Variants in COMMD1 observed in about 807,000 individuals in gnomAD.
COMMD1 encodes COMM domain-containing protein 1.
A neutral mutation model predicts 17.2 loss-of-function variants in COMMD1; 10 were observed. The ratio of observed to expected loss-of-function variants is 0.58; its 90% CI spans 0.36 to 0.99. The LOEUF (loss-of-function observed/expected upper bound fraction) is 0.99, where lower values mean the gene tolerates loss of function less well. Among genes scored for constraint, COMMD1 ranks in the 50% least tolerant of loss-of-function variants. COMMD1 has a pLI of 0.01. For missense variants in COMMD1, 270 were observed against 231.8 expected (o/e 1.17, Z -1.07); for synonymous variants, 97 against 91.6 (o/e 1.06, Z -0.34).
chr2:62,083,594 T>A (rs1002391694), intron 2 of COMMD1, among the ~76,000 whole-genome samples: 2 of 152,242 alleles, frequency 1.3e-5, no homozygotes, highest in Admixed American at 6.5e-5. Flanking sequence ...ATGCCTTACT[T>A]CCTACTTATT....
At chr2:62,101,959 A>G (rs1034862784) in intron 2 of COMMD1, among the ~76,000 whole-genome samples, 1 of 152,022 alleles carries the variant, frequency 6.6e-6, no homozygotes, top group African/African-American at 2.4e-5. Flanking sequence ...CCTGAAGGTC[A>G]GCCTATAGTA....
chr2:62,098,737 C>T (rs1004122744), intron 2 of COMMD1, among the ~76,000 whole-genome samples: 7 of 152,186 alleles, frequency 4.6e-5, no homozygotes, highest in African/African-American at 9.7e-5. Flanking sequence ...TTCACAGAGG[C>T]GATTGCAGAG....
At chr2:62,010,724 G>T (rs1303922216) in intron 2 of COMMD1, among the ~76,000 whole-genome samples, 1 of 151,968 alleles carries the variant, frequency 6.6e-6, no homozygotes, top group Non-Finnish European at 1.5e-5. Flanking sequence ...AAATCTTGCT[G>T]GGTCTGTTTT....
At chr2:61,890,206 GTGT>G (rs1242873664) in intron 1 of COMMD1, among the ~76,000 whole-genome samples, 1 of 152,052 alleles carries the variant, frequency 6.6e-6, no homozygotes, top group Admixed American at 6.6e-5. Context: ...GGTGGTGGTG[GTGT>G]TGTTTGTTTG....
rs922405560 is a variant in COMMD1, at chr2:62,018,022, C to A, written c.462+17040C>A. Reference sequence around the variant, plus strand: ...CATGATTGTACCTCTGCACTCCAGCCTGGGCGTCAGAGCATGACCTATCTC... The same window carrying A: ...CATGATTGTACCTCTGCACTCCAGCATGGGCGTCAGAGCATGACCTATCTC... On this transcript the variant is annotated intron_variant, in intron 2 of 2. Coordinates refer to ENST00000311832, the MANE Select transcript of COMMD1 (RefSeq NM_152516.4). 1.7e-4 allele frequency among the ~76,000 whole-genome samples: 26 copies of A among 151,852 alleles called. No individual in the cohort carries two copies. In the East Asian group the frequency reaches 5.0e-3, roughly 29 times the overall value.
Position 62,000,975 on chromosome 2 carries a change from A to C in COMMD1, c.455A>C (p.Tyr152Ser). Reference protein sequence around the residue: ...VAIIELELGKYGQESEFLCLE... With the variant: ...VAIIELELGKSGQESEFLCLE... ...ATTATAGAGCTGGAATTAGGCAAAT[A>C]TGGACAGGTGAGTTAAACTTAAGTC... is the stretch of plus-strand genomic sequence containing the variant. The change falls in exon 2 of 3, where the codon TAT becomes TCT. Residue 152 changes from tyrosine to serine, a missense_variant. Tyr to Ser is a moderately radical substitution (Grantham distance 144, BLOSUM62 -2). Coordinates refer to ENST00000311832, the MANE Select transcript of COMMD1 (RefSeq NM_152516.4). 2 of 1,612,878 alleles carry C rather than the reference A, an allele frequency of 1.2e-6. No homozygotes were observed. Among genetic ancestry groups the C allele is most frequent in the Non-Finnish European group, 8.5e-7 (1 of 1,180,008 alleles).
intron 2 of COMMD1, among the ~76,000 whole-genome samples, chr2:62,112,538 G>A (rs1042551409): frequency 6.6e-6 from 1 of 152,200 alleles, no homozygotes; most frequent in African/African-American, 2.4e-5. Flanking sequence ...AAGTGTCAAG[G>A]GACGGGGTAT....
At chr2:62,065,141 C>T (rs1670993578) in intron 2 of COMMD1, among the ~76,000 whole-genome samples, 1 of 152,098 alleles carries the variant, frequency 6.6e-6, no homozygotes, top group South Asian at 2.1e-4. Flanking sequence ...TGTGCCACTG[C>T]ACTCCAGCCT....
intron 2 of COMMD1, among the ~76,000 whole-genome samples, chr2:62,060,896 TC>T (rs898646650): frequency 4.6e-5 from 7 of 152,138 alleles, no homozygotes; most frequent in African/African-American, 1.7e-4. Context: ...TCTGTTTTTT[TC>T]CCCCAATCTT....
At chr2:62,127,196 AC>A (rs1452684999) in intron 2 of COMMD1, among the ~76,000 whole-genome samples, 2 of 152,198 alleles carry the variant, frequency 1.3e-5, no homozygotes, top group African/African-American at 4.8e-5. Flanking sequence ...TTCAAAGAGA[AC>A]TACAGACCAC....
At chr2:62,114,438 G>T (rs1215844615) in intron 2 of COMMD1, among the ~76,000 whole-genome samples, 1 of 152,176 alleles carries the variant, frequency 6.6e-6, no homozygotes, top group African/African-American at 2.4e-5. Context: ...AGTATGAATG[G>T]CATCTTAACT....
intron 2 of COMMD1, among the ~76,000 whole-genome samples, chr2:62,025,549 A>G (rs1233178718): frequency 2.0e-5 from 3 of 152,084 alleles, no homozygotes; most frequent in South Asian, 2.1e-4. Context: ...AACAAACAAA[A>G]TCAAACAAAC....
intron 1 of COMMD1, among the ~76,000 whole-genome samples, chr2:61,923,187 TATTAA>T (rs915139884): frequency 1.3e-5 from 2 of 152,322 alleles, no homozygotes; most frequent in African/African-American, 4.8e-5. Context: ...ATTTTTAAAT[TATTAA>T]ATTATAAACC....
At chr2:62,032,860 C>G (rs1292519377) in intron 2 of COMMD1, among the ~76,000 whole-genome samples, 1 of 152,076 alleles carries the variant, frequency 6.6e-6, no homozygotes, top group Non-Finnish European at 1.5e-5. Flanking sequence ...ATCCTCCACC[C>G]TCCAGGTTCA....
chr2:61,902,015 T>C (rs1221305315), upstream of COMMD1, among the ~76,000 whole-genome samples: 1 of 151,820 alleles, frequency 6.6e-6, no homozygotes, highest in Non-Finnish European at 1.5e-5. Flanking sequence ...GTATTTTTAG[T>C]AGAGATGAAG....
intron 1 of COMMD1, among the ~76,000 whole-genome samples, chr2:61,924,289 A>G (rs1670269467): frequency 6.6e-6 from 1 of 151,834 alleles, no homozygotes; most frequent in African/African-American, 2.4e-5. Context: ...GGACAGGAGA[A>G]AAATAGGAGG....
At chr2:62,015,346 T>G (rs968368325) in intron 2 of COMMD1, among the ~76,000 whole-genome samples, 1 of 152,244 alleles carries the variant, frequency 6.6e-6, no homozygotes, top group African/African-American at 2.4e-5. Flanking sequence ...GTAGTACATA[T>G]CAGGATTTCA....
intron 2 of COMMD1, among the ~76,000 whole-genome samples, chr2:62,106,512 A>G (rs1272725654): frequency 6.6e-6 from 1 of 152,170 alleles, no homozygotes; most frequent in Non-Finnish European, 1.5e-5. Flanking sequence ...CAACCCTACC[A>G]CTGGCCTCAG....
chr2:62,062,375 C>T (rs911965362), intron 2 of COMMD1, among the ~76,000 whole-genome samples: 38 of 151,890 alleles, frequency 2.5e-4, no homozygotes, highest in African/African-American at 7.0e-4. Flanking sequence ...TACAGGTGCA[C>T]GCCACCATGC....
Sources: allele counts gnomAD v4.1 joint callset (sites outside exome capture counted in the v4.1 genomes callset), GRCh38; gene constraint gnomAD v4.1.1; transcripts MANE v1.5; gene names NCBI Gene and HGNC (gene_info 2026-07-23, HGNC 2026-07-21).